ABHD12: variants seen among roughly 807,000 people sequenced by gnomAD.
The protein encoded by ABHD12 is lysophosphatidylserine lipase ABHD12.
Under a neutral mutation model 58.3 loss-of-function variants are expected in ABHD12, and 43 were observed. The observed-to-expected ratio is 0.74, with a 90% CI of 0.58 to 0.95. The LOEUF (loss-of-function observed/expected upper bound fraction) is 0.95. ABHD12 is among the 40% of genes least tolerant of loss of function. The probability of loss-of-function intolerance (pLI) is 0.00; values close to 1 mark genes in which losing one functional copy is unlikely to be tolerated. For synonymous variants in ABHD12, 219 were observed against 211.2 expected (o/e 1.04, Z -0.32); for missense variants, 539 against 537.2 (o/e 1.00, Z -0.03).
intron 1 of ABHD12, among the ~76,000 whole-genome samples, chr20:25,387,771 T>C (rs547585906): frequency 5.3e-5 from 8 of 150,856 alleles, no homozygotes; most frequent in Non-Finnish European, 1.0e-4. Flanking sequence ...GGCCGGGCGC[T>C]GTGGCTCACG....
In ABHD12 at chr20:25,390,801, C is replaced by T. The variant is rs2090167259; in HGVS notation, c.-98G>A. The T allele has an allele frequency of 1.2e-6, 1 of 811,862 alleles. No individual in the cohort carries two copies. Among genetic ancestry groups the T allele is most frequent in the East Asian group, 4.2e-5 (1 of 23,968 alleles). The allele number at this position is 811,862 out of a possible 1,614,324, so 50.3% of individuals were successfully genotyped here. On this transcript the variant is annotated 5_prime_UTR_variant, in exon 1 of 13. Coordinates refer to ENST00000339157, the MANE Select transcript of ABHD12 (RefSeq NM_001042472.3). ...GCCACCCAGAGCCCGGAGCCCGGAA[C>T]CCGCCGCTCCTCACATCCCAGCCCA...
intron 1 of ABHD12, among the ~76,000 whole-genome samples, chr20:25,369,932 A>ATT (rs2089878506): frequency 7.4e-6 from 1 of 135,886 alleles, no homozygotes; most frequent in African/African-American, 2.8e-5. Flanking sequence ...TGTTATAAAA[A>ATT]AAAAAAAAAA....
At chr20:25,321,559 G>A (rs2089066843) in intron 3 of ABHD12, among the ~76,000 whole-genome samples, 2 of 152,274 alleles carry the variant, frequency 1.3e-5, no homozygotes, top group Non-Finnish European at 2.9e-5. Flanking sequence ...CCAACACACA[G>A]CAACACACAG....
chr20:25,369,134 A>C (rs1392612396), intron 1 of ABHD12, among the ~76,000 whole-genome samples: 2 of 151,994 alleles, frequency 1.3e-5, no homozygotes, highest in African/African-American at 2.4e-5. Flanking sequence ...AAAAAAAAAA[A>C]ATTAGCCATC....
At chr20:25,344,952 G>GA in intron 1 of ABHD12, among the ~76,000 whole-genome samples, 1 of 152,166 alleles carries the variant, frequency 6.6e-6, no homozygotes. Flanking sequence ...GGAAAAAAAT[G>GA]AAAGTAGACC....
chr20:25,321,253 G>A (rs188283641), intron 3 of ABHD12, among the ~76,000 whole-genome samples: 2 of 152,370 alleles, frequency 1.3e-5, no homozygotes, highest in East Asian at 1.9e-4. Flanking sequence ...CCAGTAGCCA[G>A]CCGCCCCAAA....
chr20:25,334,020 C>T (rs1194019631), intron 2 of ABHD12, among the ~76,000 whole-genome samples: 1 of 152,092 alleles, frequency 6.6e-6, no homozygotes, highest in Non-Finnish European at 1.5e-5. Context: ...GTCAAATTGT[C>T]CCTGTTTGCA....
chr20:25,299,864 G>C (rs182704855), downstream of ABHD12, among the ~76,000 whole-genome samples: 1 of 152,182 alleles, frequency 6.6e-6, no homozygotes, highest in Non-Finnish European at 1.5e-5. Flanking sequence ...ACTGACCTCA[G>C]AAGTAATGTC....
At chr20:25,336,564 G>A (rs895891295) in intron 2 of ABHD12, among the ~76,000 whole-genome samples, 1 of 152,162 alleles carries the variant, frequency 6.6e-6, no homozygotes, top group Non-Finnish European at 1.5e-5. Flanking sequence ...GGGCACAAGA[G>A]CAGAGGCACC....
chr20:25,333,955 C>G (rs961139067), intron 2 of ABHD12, among the ~76,000 whole-genome samples: 1 of 152,068 alleles, frequency 6.6e-6, no homozygotes, highest in South Asian at 2.1e-4. Flanking sequence ...AAGTGCTGGC[C>G]GGGGCAATTA....
chr20:25,356,706 G>C (rs2089672972), intron 1 of ABHD12, among the ~76,000 whole-genome samples: 1 of 152,210 alleles, frequency 6.6e-6, no homozygotes, highest in Admixed American at 6.5e-5. Flanking sequence ...AGAGTGGCAG[G>C]TGGCAGAGTG....
At chr20:25,322,381 A>ATTTTTTTTT (rs199757666) in intron 3 of ABHD12, among the ~76,000 whole-genome samples, 60 of 59,170 alleles carry the variant, frequency 1.0e-3, no homozygotes, top group South Asian at 1.7e-3. Flanking sequence ...ATATATATAT[A>ATTTTTTTTT]TTTTTTTTTT....
In ABHD12 at chr20:25,308,317, G is replaced by GTC. The variant is rs2088783871; in HGVS notation, c.787+139_787+140insGA. 7.6e-6 allele frequency: 8 copies of GTC among 1,059,420 alleles called. No homozygotes were observed. In the Admixed American group the frequency reaches 1.6e-4, roughly 21 times the overall value. The allele number at this position is 1,059,420 out of a possible 1,614,324, so 65.6% of individuals were successfully genotyped here. ...CAGCTCCTCAGGTGTATCATGGGAAGGGTGGCTGGTCAGCCCCGGGCCCCC... is the reference window on the plus strand; with the variant it reads ...CAGCTCCTCAGGTGTATCATGGGAAGTCGGTGGCTGGTCAGCCCCGGGCCCCC... On this transcript the variant is annotated intron_variant, in intron 8 of 12. Coordinates refer to ENST00000339157, the MANE Select transcript of ABHD12 (RefSeq NM_001042472.3).
chr20:25,296,873 T>C (rs199776001), downstream of ABHD12: 3 of 232,280 alleles, frequency 1.3e-5, no homozygotes, highest in Admixed American at 1.0e-4. Context: ...CCGATGTCTT[T>C]AGTGTTGAGC....
intron 1 of ABHD12, among the ~76,000 whole-genome samples, chr20:25,370,152 G>A (rs939376779): frequency 6.6e-6 from 1 of 152,124 alleles, no homozygotes; most frequent in African/African-American, 2.4e-5. Flanking sequence ...GCCTTGGGGC[G>A]CTGACTGTGG....
At position 25,390,538 on chromosome 20, in the gene ABHD12, C is replaced by T. The variant is rs1380670654; in HGVS notation, c.166G>A (p.Ala56Thr). 6.8e-7 allele frequency: 1 copy of T among 1,462,308 alleles called. No homozygotes were observed. The highest frequency in any genetic ancestry group is 9.0e-7 in the Non-Finnish European group (1 of 1,113,078). 90.6% of individuals were successfully genotyped at this position (1,462,308 alleles called of 1,614,324 possible). The change falls in exon 1 of 13, where the codon GCG becomes ACG. Residue 56 changes from alanine to threonine, a missense_variant. Coordinates refer to ENST00000339157, the MANE Select transcript of ABHD12 (RefSeq NM_001042472.3). ...CTGCCCAGCGCCCGCTTCATTCCCG[C>T]GTCGGCTGCGCAGCGCGGCTCAGCC... ...AAAEPRCAAD[A>T]GMKRALGRRK...
Position 25,300,412 on chromosome 20 carries a change from T to C in ABHD12, c.*433A>G, listed in dbSNP as rs2088613930. On this transcript the variant is annotated 3_prime_UTR_variant, in exon 13 of 13. Transcript: ENST00000339157. ...GGGACGATGGAACCACTGGAGTCAT[T>C]CTGCATGTGCTGGGAAGGTGCAGAA... The C allele has an allele frequency of 1.8e-6, 2 of 1,140,694 alleles. No homozygotes were observed. The highest frequency in any genetic ancestry group is 7.9e-5 in the Admixed American group (2 of 25,220). The allele number at this position is 1,140,694 out of a possible 1,614,324, so 70.7% of individuals were successfully genotyped here.
chr20:25,371,769 G>T (rs979755057), intron 1 of ABHD12, among the ~76,000 whole-genome samples: 2 of 152,076 alleles, frequency 1.3e-5, no homozygotes, highest in African/African-American at 2.4e-5. Context: ...AGCTGGTCTC[G>T]AACTCCTTGG....
At chr20:25,368,297 A>G (rs1360991368) in intron 1 of ABHD12, 3 of 1,535,894 alleles carry the variant, frequency 2.0e-6, no homozygotes, top group Non-Finnish European at 2.7e-6. Flanking sequence ...ACAGTCAGCA[A>G]TGGTGATCTT....
Sources: gnomAD v4.1 joint callset for allele counts (sites outside exome capture counted in the v4.1 genomes callset) on GRCh38, gnomAD v4.1.1 for gene constraint, MANE v1.5 for transcripts, NCBI Gene and HGNC (gene_info 2026-07-23, HGNC 2026-07-21) for gene names.